GALNT13: variants seen among roughly 807,000 people sequenced by gnomAD.
The protein encoded by GALNT13 is UDP-GalNAc:polypeptide N-acetylgalactosaminyltransferase 13.
GALNT13 carries 28 observed loss-of-function variants against 64.2 expected under a neutral mutation model. That is an observed-to-expected ratio of 0.44 (90% CI 0.32 to 0.60). The LOEUF (loss-of-function observed/expected upper bound fraction) is 0.60. GALNT13 is among the 20% of genes least tolerant of loss of function. The pLI is 0.05. For synonymous variants in GALNT13, 214 were observed against 224.6 expected (o/e 0.95, Z 0.42); for missense variants, 577 against 669.8 (o/e 0.86, Z 1.53).
At chr2:153,797,181 A>C in the GALNT13 span, among the ~76,000 whole-genome samples, 1 of 152,240 alleles carries the variant, frequency 6.6e-6, no homozygotes, top group Non-Finnish European at 1.5e-5. Context: ...CCTAATGGCA[A>C]GTCTGTTAGA....
chr2:154,047,439 G>T (rs773395793), intron 3 of GALNT13, among the ~76,000 whole-genome samples: 1 of 152,084 alleles, frequency 6.6e-6, no homozygotes, highest in African/African-American at 2.4e-5. Flanking sequence ...AAGAGTATAT[G>T]GTCTGGAGTT....
At chr2:154,012,649 T>C (rs773211219) in intron 3 of GALNT13, among the ~76,000 whole-genome samples, 3 of 152,188 alleles carry the variant, frequency 2.0e-5, no homozygotes, top group Non-Finnish European at 2.9e-5. Flanking sequence ...GACTGTATCC[T>C]CAAATATGTT....
chr2:153,258,810 T>A, the GALNT13 span, among the ~76,000 whole-genome samples: 1 of 152,226 alleles, frequency 6.6e-6, no homozygotes, highest in Non-Finnish European at 1.5e-5. Flanking sequence ...TATTCCTTTC[T>A]TGTCAGAGAA....
the GALNT13 span, among the ~76,000 whole-genome samples, chr2:153,286,157 G>A: frequency 2.6e-5 from 4 of 152,148 alleles, no homozygotes; most frequent in South Asian, 4.1e-4. Flanking sequence ...ATAGAAGTAT[G>A]TAACCCATTC....
rs565686198 is a variant in GALNT13 at position 153,917,777 on chromosome 2, A to G, written c.-105+16770A>G. On this transcript the variant is annotated intron_variant, in intron 2 of 12. Transcript: ENST00000392825. ...CCTTAGTCAGTATGAGAGACACCCA[A>G]TTGAGCAGCCTTGGAGTCAAACTAA... is the stretch of plus-strand genomic sequence containing the variant. Among the ~76,000 whole-genome samples, 8 of 152,300 alleles carry G rather than the reference A, an allele frequency of 5.3e-5. No individual in the cohort carries two copies. The East Asian group carries it at 1.2e-3, about 22-fold the overall frequency.
intron 2 of GALNT13, among the ~76,000 whole-genome samples, chr2:153,914,509 G>C (rs1689196548): frequency 6.9e-6 from 1 of 145,980 alleles, no homozygotes; most frequent in South Asian, 2.2e-4. Context: ...AAAGATGTTT[G>C]CTGTATTATT....
chr2:153,329,474 T>C, the GALNT13 span, among the ~76,000 whole-genome samples: 6 of 152,214 alleles, frequency 3.9e-5, no homozygotes, highest in African/African-American at 7.2e-5. Flanking sequence ...CCAGTCTGAC[T>C]GGTATAAGAT....
chr2:153,336,260 C>A, the GALNT13 span, among the ~76,000 whole-genome samples: 1 of 152,156 alleles, frequency 6.6e-6, no homozygotes, highest in Admixed American at 6.5e-5. Context: ...GGGCCATCGT[C>A]CTCCAGACCC....
At chr2:153,746,987 A>T in the GALNT13 span, among the ~76,000 whole-genome samples, 1 of 151,956 alleles carries the variant, frequency 6.6e-6, no homozygotes, top group East Asian at 1.9e-4. Context: ...ATTCGATATG[A>T]GTCCTTTGTT....
chr2:154,283,455 T>G (rs1398768134), intron 8 of GALNT13, among the ~76,000 whole-genome samples: 1 of 152,056 alleles, frequency 6.6e-6, no homozygotes, highest in Non-Finnish European at 1.5e-5. Context: ...TAAACTTTTT[T>G]TAGACTTTGC....
At chr2:153,618,497 A>G in the GALNT13 span, among the ~76,000 whole-genome samples, 2 of 151,890 alleles carry the variant, frequency 1.3e-5, no homozygotes, top group African/African-American at 2.4e-5. Flanking sequence ...TGTATTCTGC[A>G]GCTCTTGGAT....
the GALNT13 span, among the ~76,000 whole-genome samples, chr2:153,185,158 A>C: frequency 6.6e-6 from 1 of 152,110 alleles, no homozygotes; most frequent in Non-Finnish European, 1.5e-5. Context: ...TGGTCTGTTC[A>C]GGGATTTAAG....
chr2:153,216,537 T>A, the GALNT13 span, among the ~76,000 whole-genome samples: 1 of 152,220 alleles, frequency 6.6e-6, no homozygotes, highest in East Asian at 1.9e-4. Context: ...TCATTGTGCC[T>A]GTAATTTGCA....
At chr2:154,165,036 C>CT (rs1243712271) in intron 4 of GALNT13, among the ~76,000 whole-genome samples, 1 of 152,026 alleles carries the variant, frequency 6.6e-6, no homozygotes, top group African/African-American at 2.4e-5. Context: ...AAGTGAAACT[C>CT]TAACACAAAA....
At chr2:153,732,108 AT>A in the GALNT13 span, among the ~76,000 whole-genome samples, 1 of 152,030 alleles carries the variant, frequency 6.6e-6, no homozygotes, top group Non-Finnish European at 1.5e-5. Context: ...AAAATTTATC[AT>A]TCAGAAAGAT....
chr2:154,404,510 G>A (rs1010480379), intron 10 of GALNT13, among the ~76,000 whole-genome samples: 2 of 152,178 alleles, frequency 1.3e-5, no homozygotes, highest in African/African-American at 2.4e-5. Flanking sequence ...GGAAAGCAAT[G>A]AGGTATTTGA....
intron 3 of GALNT13, among the ~76,000 whole-genome samples, chr2:154,045,964 G>A (rs188155406): frequency 6.8e-6 from 1 of 147,554 alleles, no homozygotes; most frequent in Admixed American, 6.7e-5. Context: ...GTTTTTTTTT[G>A]CTTGTTCATT....
chr2:154,358,605 A>C (rs1272000147), intron 9 of GALNT13, among the ~76,000 whole-genome samples: 1 of 152,042 alleles, frequency 6.6e-6, no homozygotes, highest in African/African-American at 2.4e-5. Context: ...ATTTGGATCC[A>C]TGGGTTTTAT....
At chr2:153,438,054 G>C in the GALNT13 span, among the ~76,000 whole-genome samples, 1 of 152,296 alleles carries the variant, frequency 6.6e-6, no homozygotes, top group South Asian at 2.1e-4. Flanking sequence ...TTGCTTGTCT[G>C]TAAAGTATTT....
Sources: allele counts gnomAD v4.1 joint callset (sites outside exome capture counted in the v4.1 genomes callset), GRCh38; gene constraint gnomAD v4.1.1; transcripts MANE v1.5; gene names NCBI Gene and HGNC (gene_info 2026-07-23, HGNC 2026-07-21).